AFF3: variants seen among roughly 807,000 people sequenced by gnomAD.
The protein encoded by AFF3 is AF4/FMR2 family member 3.
A neutral mutation model predicts 129.7 loss-of-function variants in AFF3; 32 were observed. That is an observed-to-expected ratio of 0.25 (90% CI 0.19 to 0.33). The LOEUF (loss-of-function observed/expected upper bound fraction) is 0.33, where lower values mean the gene tolerates loss of function less well. Among genes scored for constraint, AFF3 ranks in the 10% least tolerant of loss-of-function variants. AFF3 has a pLI of 1.00. For missense variants in AFF3, 1,373 were observed against 1,592.0 expected (o/e 0.86, Z 2.34); for synonymous variants, 644 against 635.4 (o/e 1.01, Z -0.20).
In AFF3 at chr2:100,124,295, A is replaced by T. The variant is rs574676799; in HGVS notation, c.-145+4929T>A. Among the ~76,000 whole-genome samples the T allele has an allele frequency of 2.0e-5, 3 of 152,338 alleles. No homozygotes were observed. In the East Asian group the frequency reaches 5.8e-4, roughly 29 times the overall value. On this transcript the variant is annotated intron_variant, in intron 2 of 24. Transcript: ENST00000672756. ...CTGAAGGACAAAATTCTTCAGACTT[A>T]AAAGGGTTTCCTGAGTGCACAGAAC...
chr2:99,977,675 G>A (rs1679021381), intron 7 of AFF3, among the ~76,000 whole-genome samples: 1 of 152,186 alleles, frequency 6.6e-6, no homozygotes, highest in South Asian at 2.1e-4. Context: ...GATATCCATA[G>A]CCTTAGACCT....
At chr2:99,663,840 T>C (rs758122932) in intron 12 of AFF3, among the ~76,000 whole-genome samples, 4 of 152,336 alleles carry the variant, frequency 2.6e-5, no homozygotes, top group South Asian at 2.1e-4. Flanking sequence ...TCCGAAACAC[T>C]TGTCTGCAGT....
chr2:100,079,861 A>G (rs1448727803), intron 4 of AFF3, among the ~76,000 whole-genome samples: 1 of 152,186 alleles, frequency 6.6e-6, no homozygotes, highest in African/African-American at 2.4e-5. Flanking sequence ...CCACACAAAA[A>G]GAAGAGTAAC....
chr2:99,694,388 G>A (rs1288574990), intron 11 of AFF3, among the ~76,000 whole-genome samples: 1 of 152,084 alleles, frequency 6.6e-6, no homozygotes, highest in African/African-American at 2.4e-5. Context: ...ATGAGCAGTA[G>A]GCCACAGTGG....
chr2:99,729,322 T>C (rs1679615601), intron 10 of AFF3, among the ~76,000 whole-genome samples: 1 of 152,224 alleles, frequency 6.6e-6, no homozygotes, highest in African/African-American at 2.4e-5. Context: ...TGGGGACAGA[T>C]GCGCAGCTGA....
At chr2:100,008,758 A>AG (rs35305754) in intron 5 of AFF3, 54 bp downstream of exon 5, 1 of 1,589,344 alleles carries the variant, frequency 6.3e-7, no homozygotes, top group Non-Finnish European at 8.6e-7. Flanking sequence ...CCACCGTCAC[A>AG]GGGAGTGAGA....
chr2:99,900,587 T>C (rs1290052819), intron 7 of AFF3, among the ~76,000 whole-genome samples: 1 of 152,072 alleles, frequency 6.6e-6, no homozygotes, highest in Non-Finnish European at 1.5e-5. Flanking sequence ...CACTCAGCAT[T>C]TGGTGAGGCA....
intron 13 of AFF3, among the ~76,000 whole-genome samples, chr2:99,645,514 C>T (rs1684617739): frequency 6.6e-6 from 1 of 152,158 alleles, no homozygotes; most frequent in Admixed American, 6.5e-5. Flanking sequence ...AGACAACACA[C>T]CATCCCACTC....
chr2:99,749,799 G>A (rs964620191), intron 9 of AFF3, among the ~76,000 whole-genome samples: 1 of 152,146 alleles, frequency 6.6e-6, no homozygotes, highest in African/African-American at 2.4e-5. Context: ...CTTGACCTCT[G>A]ATTCGAACAA....
intron 17 of AFF3, among the ~76,000 whole-genome samples, chr2:99,580,636 T>C (rs922440724): frequency 6.6e-6 from 1 of 152,224 alleles, no homozygotes; most frequent in Non-Finnish European, 1.5e-5. Flanking sequence ...GGCTCATGCC[T>C]GTAATCCCAG....
chr2:99,679,868 C>T (rs1415065539), intron 11 of AFF3, among the ~76,000 whole-genome samples: 1 of 152,162 alleles, frequency 6.6e-6, no homozygotes, highest in Non-Finnish European at 1.5e-5. Context: ...GGTTCTGTGC[C>T]TTTACCAATG....
At chr2:99,634,328 A>G (rs929795689) in intron 13 of AFF3, among the ~76,000 whole-genome samples, 51 of 152,252 alleles carry the variant, frequency 3.3e-4, no homozygotes, top group African/African-American at 1.2e-3. Flanking sequence ...CTGTAGTCAC[A>G]TGAGGCTATG....
chr2:99,611,066 C>T (rs1044576622), intron 13 of AFF3, among the ~76,000 whole-genome samples: 19 of 152,126 alleles, frequency 1.2e-4, no homozygotes, highest in African/African-American at 4.1e-4. Flanking sequence ...TCCCTCTGTT[C>T]TCTTCATTCT....
chr2:99,902,349 G>A (rs996718696), intron 7 of AFF3, among the ~76,000 whole-genome samples: 7 of 151,958 alleles, frequency 4.6e-5, no homozygotes, highest in African/African-American at 1.5e-4. Context: ...ACCAATGAGC[G>A]ATAAACTCTG....
chr2:99,600,455 T>C (rs1379872284), intron 14 of AFF3, among the ~76,000 whole-genome samples: 1 of 152,116 alleles, frequency 6.6e-6, no homozygotes, highest in Non-Finnish European at 1.5e-5. Flanking sequence ...GGCACCGCTA[T>C]AAAAGCTGGA....
At chr2:99,592,931 C>CT (rs1491534006) in intron 15 of AFF3, among the ~76,000 whole-genome samples, 2 of 88,182 alleles carry the variant, frequency 2.3e-5, no homozygotes, top group Non-Finnish European at 4.6e-5. Flanking sequence ...GTGAGACTCC[C>CT]TCCCCCCCCC....
Position 99,824,717 on chromosome 2 carries a change from G to A in AFF3, c.921+12760C>T, listed in dbSNP as rs10183191. On this transcript the variant is annotated intron_variant, in intron 8 of 24. Coordinates refer to ENST00000672756, the MANE Select transcript of AFF3 (RefSeq NM_001386135.1). ...CCTAGTATCTGGAGACACATGAAGA[G>A]GTCCACCTACCCTGAGCTGTCATCA... 2.0e-5 allele frequency among the ~76,000 whole-genome samples: 3 copies of A among 152,228 alleles called. No homozygotes were observed. The East Asian group carries it at 5.8e-4, about 29-fold the overall frequency.
chr2:99,841,288 C>T (rs1424349159), intron 7 of AFF3, among the ~76,000 whole-genome samples: 1 of 152,152 alleles, frequency 6.6e-6, no homozygotes, highest in Non-Finnish European at 1.5e-5. Flanking sequence ...AGGATAGATG[C>T]CCTATTAGAT....
In AFF3 at chr2:99,547,581, T is replaced by C. The variant is rs1011670940; in HGVS notation, c.*3893A>G. The C allele has an allele frequency of 7.3e-5, 15 of 204,368 alleles. No individual in the cohort carries two copies. The highest frequency in any genetic ancestry group is 1.1e-4 in the African/African-American group (5 of 43,678). 12.7% of individuals were successfully genotyped at this position (204,368 alleles called of 1,614,324 possible). On this transcript the variant is annotated 3_prime_UTR_variant, in exon 25 of 25. Coordinates refer to ENST00000672756, the MANE Select transcript of AFF3 (RefSeq NM_001386135.1). ...TATTTAAAAATATATATGTATATGCTACTGCACAGTTTCAAAGATGTGATT... is the reference window on the plus strand; with the variant it reads ...TATTTAAAAATATATATGTATATGCCACTGCACAGTTTCAAAGATGTGATT...
Sources: gnomAD v4.1 joint callset for allele counts (sites outside exome capture counted in the v4.1 genomes callset) on GRCh38, gnomAD v4.1.1 for gene constraint, MANE v1.5 for transcripts, NCBI Gene and HGNC (gene_info 2026-07-23, HGNC 2026-07-21) for gene names.